Variants in GAN observed in about 807,000 individuals in gnomAD.
GAN encodes the protein gigaxonin, also known as epididymis secretory sperm binding protein.
In GAN, 48 loss-of-function variants were observed where a neutral mutation model predicts 71.3. That is an observed-to-expected ratio of 0.67 (90% CI 0.53 to 0.86). The LOEUF (loss-of-function observed/expected upper bound fraction) is 0.86, where lower values mean the gene tolerates loss of function less well. Ranked by LOEUF, GAN falls within the 40% of genes least tolerant of loss-of-function variation. GAN has a pLI of 0.00. For synonymous variants in GAN, 386 were observed against 276.8 expected (o/e 1.39, Z -3.92); for missense variants, 928 against 770.1 (o/e 1.21, Z -2.43).
chr16:81,353,128 A>C (rs1567490810), intron 2 of GAN, among the ~76,000 whole-genome samples: 1 of 152,078 alleles, frequency 6.6e-6, no homozygotes, highest in Non-Finnish European at 1.5e-5. Context: ...CGTCTCTACT[A>C]AAAATACAAA....
chr16:81,347,650 A>C (rs1270650165), intron 1 of GAN, among the ~76,000 whole-genome samples: 1 of 152,140 alleles, frequency 6.6e-6, no homozygotes, highest in East Asian at 1.9e-4. Context: ...CACTTGATTG[A>C]TAGTTTGGCT....
In GAN at chr16:81,376,465, A is replaced by ATGTGTGTGTG. The variant is rs56782049; in HGVS notation, c.1503-718_1503-709dup. Among the ~76,000 whole-genome samples the ATGTGTGTGTG allele has an allele frequency of 6.3e-3, 797 of 127,112 alleles. 2 individuals carry two copies. Among genetic ancestry groups the ATGTGTGTGTG allele is most frequent in the Non-Finnish European group, 8.7e-3 (536 of 61,288 alleles). The allele number at this position is 127,112 out of a possible 152,430, so 83.4% of individuals were successfully genotyped here. A position where few individuals can be genotyped will look rare whatever the true frequency, so the allele number is the denominator to read the frequency against. ...CAATATCCCATCTTTATACATACAT[A>ATGTGTGTGTG]TGTGTGTGTGTGTGTGTGTGTGTGT... On this transcript the variant is annotated intron_variant, in intron 9 of 10. Transcript: ENST00000648994.
At chr16:81,361,252 A>T (rs1158484550) in intron 5 of GAN, among the ~76,000 whole-genome samples, 1 of 152,144 alleles carries the variant, frequency 6.6e-6, no homozygotes, top group South Asian at 2.1e-4. Flanking sequence ...AAAAAAAATT[A>T]TTTGTAGCAA....
At chr16:81,352,543 C>G (rs893428314) in intron 2 of GAN, among the ~76,000 whole-genome samples, 2 of 152,164 alleles carry the variant, frequency 1.3e-5, no homozygotes, top group Non-Finnish European at 2.9e-5. Flanking sequence ...TCCCTACTCT[C>G]TCCTTTATTC....
intron 9 of GAN, among the ~76,000 whole-genome samples, chr16:81,371,048 C>T (rs1436419657): frequency 1.3e-5 from 2 of 152,208 alleles, no homozygotes; most frequent in African/African-American, 2.4e-5. Flanking sequence ...GTTTCTGTTG[C>T]TCTGTCTTGT....
intron 1 of GAN, among the ~76,000 whole-genome samples, chr16:81,340,523 C>A (rs113517389): frequency 3.4e-4 from 52 of 152,206 alleles, no homozygotes; most frequent in South Asian, 1.7e-3. Flanking sequence ...AGCAAACCCC[C>A]ACAGACCTGC....
chr16:81,357,087 T>C, intron 4 of GAN, 85 bp downstream of exon 4: 1 of 886,852 alleles, frequency 1.1e-6, no homozygotes, highest in Non-Finnish European at 1.9e-6. Context: ...TGCTTTTCAG[T>C]ATCTAAAACA....
At chr16:81,336,384 G>C (rs1274775703) in intron 1 of GAN, among the ~76,000 whole-genome samples, 1 of 152,212 alleles carries the variant, frequency 6.6e-6, no homozygotes, top group African/African-American at 2.4e-5. Context: ...AAGGCCATCT[G>C]TTGATGGAAA....
intron 1 of GAN, among the ~76,000 whole-genome samples, chr16:81,337,806 A>G (rs1909814058): frequency 6.6e-6 from 1 of 152,228 alleles, no homozygotes; most frequent in Non-Finnish European, 1.5e-5. Context: ...GAAGAACAGA[A>G]AAATTTTTTA....
Position 81,381,562 on chromosome 16 carries a change from C to T in GAN, c.*3966C>T, listed in dbSNP as rs1904305087. Reference sequence around the variant, plus strand: ...GCAAAACCCGCCTTGGGTCAGCCAACACATGTCTGATGAGCACCCACTAGG... The same window carrying T: ...GCAAAACCCGCCTTGGGTCAGCCAATACATGTCTGATGAGCACCCACTAGG... On this transcript the variant is annotated 3_prime_UTR_variant, in exon 11 of 11. Coordinates refer to ENST00000648994, the MANE Select transcript of GAN (RefSeq NM_022041.4). 1 of 152,208 alleles carries T rather than the reference C, an allele frequency of 6.6e-6. No individual in the cohort carries two copies. The highest frequency in any genetic ancestry group is 6.5e-5 in the Admixed American group (1 of 15,286). 9.4% of individuals were successfully genotyped at this position (152,208 alleles called of 1,614,324 possible).
chr16:81,332,653 T>C (rs1474287573), intron 1 of GAN, among the ~76,000 whole-genome samples: 1 of 152,232 alleles, frequency 6.6e-6, no homozygotes, highest in Non-Finnish European at 1.5e-5. Flanking sequence ...TCCACAGTGC[T>C]TGCAACTGCC....
intron 1 of GAN, among the ~76,000 whole-genome samples, chr16:81,345,295 T>G (rs1256354329): frequency 6.6e-6 from 1 of 152,186 alleles, no homozygotes; most frequent in African/African-American, 2.4e-5. Context: ...TAAAGACACA[T>G]GCACACATAT....
chr16:81,369,530 A>G (rs1290686894), intron 9 of GAN, among the ~76,000 whole-genome samples: 1 of 152,234 alleles, frequency 6.6e-6, no homozygotes, highest in Non-Finnish European at 1.5e-5. Flanking sequence ...TTTTCCTTTT[A>G]CTTTGGGTTT....
Position 81,382,595 on chromosome 16 carries a change from T to C in GAN, c.*4999T>C, listed in dbSNP as rs1177342621. ...AGGAAAGTATTTTGATAGCTTTTAATAATTCTTGAAATACTCTTTACTCTG... is the reference window on the plus strand; with the variant it reads ...AGGAAAGTATTTTGATAGCTTTTAACAATTCTTGAAATACTCTTTACTCTG... On this transcript the variant is annotated 3_prime_UTR_variant, in exon 11 of 11. Coordinates refer to ENST00000648994, the MANE Select transcript of GAN (RefSeq NM_022041.4). 1 of 152,244 alleles carries C rather than the reference T, an allele frequency of 6.6e-6. No homozygotes were observed. Among genetic ancestry groups the C allele is most frequent in the Non-Finnish European group, 1.5e-5 (1 of 68,048 alleles). 9.4% of individuals were successfully genotyped at this position (152,244 alleles called of 1,614,324 possible). A position where few individuals can be genotyped will look rare whatever the true frequency, so the allele number is the denominator to read the frequency against.
chr16:81,332,465 T>A (rs536861490), intron 1 of GAN, among the ~76,000 whole-genome samples: 2 of 152,340 alleles, frequency 1.3e-5, no homozygotes, highest in African/African-American at 4.8e-5. Context: ...ACACCTGGGA[T>A]GTAGTCTTTT....
intron 1 of GAN, among the ~76,000 whole-genome samples, chr16:81,335,786 A>T (rs1226367991): frequency 6.6e-6 from 1 of 151,456 alleles, no homozygotes; most frequent in Non-Finnish European, 1.5e-5. Context: ...ATGATGAGTC[A>T]TTCTAAGATC....
chr16:81,337,295 C>T (rs1014814171), intron 1 of GAN, among the ~76,000 whole-genome samples: 3 of 152,126 alleles, frequency 2.0e-5, no homozygotes, highest in African/African-American at 7.2e-5. Flanking sequence ...ATGATTCATT[C>T]GAAATCATGA....
At chr16:81,367,196 A>G (rs537826880) in intron 9 of GAN, among the ~76,000 whole-genome samples, 1 of 152,292 alleles carries the variant, frequency 6.6e-6, no homozygotes, top group East Asian at 1.9e-4. Context: ...CATAATAATT[A>G]AACGTAAGAC....
chr16:81,343,044 C>T (rs926334145), intron 1 of GAN, among the ~76,000 whole-genome samples: 3 of 152,158 alleles, frequency 2.0e-5, no homozygotes, highest in Non-Finnish European at 4.4e-5. Flanking sequence ...TGGATAAATT[C>T]CTGGACACAT....
Sources: allele counts gnomAD v4.1 joint callset (sites outside exome capture counted in the v4.1 genomes callset), GRCh38; gene constraint gnomAD v4.1.1; transcripts MANE v1.5; gene names NCBI Gene and HGNC (gene_info 2026-07-23, HGNC 2026-07-21).